MAP2K5: variants seen among roughly 807,000 people sequenced by gnomAD.
MAP2K5 encodes dual specificity mitogen-activated protein kinase kinase 5.
Under a neutral mutation model 83.1 loss-of-function variants are expected in MAP2K5, and 49 were observed. The ratio of observed to expected loss-of-function variants is 0.59; its 90% CI spans 0.47 to 0.75. The LOEUF (loss-of-function observed/expected upper bound fraction) is 0.75, where lower values mean the gene tolerates loss of function less well. MAP2K5 is among the 30% of genes least tolerant of loss of function. The pLI is 0.00. For synonymous variants in MAP2K5, 202 were observed against 191.8 expected, an observed-to-expected ratio of 1.05 and a Z score of -0.44; for missense variants, 457 against 557.5, an observed-to-expected ratio of 0.82 and a Z score of 1.82.
chr15:67,653,866 T>C (rs191458001), intron 11 of MAP2K5, among the ~76,000 whole-genome samples: 119 of 152,278 alleles, frequency 7.8e-4, no homozygotes, highest in African/African-American at 2.7e-3. Context: ...TTTTGGTATG[T>C]TGTGTTTTTA....
At position 67,638,634 on chromosome 15, in the gene MAP2K5, T is replaced by C. The variant is rs1011080484; in HGVS notation, c.586-7597T>C. On this transcript the variant is annotated intron_variant, in intron 9 of 21. Coordinates refer to ENST00000178640, the MANE Select transcript of MAP2K5 (RefSeq NM_145160.3). The surrounding 1 kb of genome is among the most constrained non-coding windows in gnomAD (Gnocchi z 4.5). Reference sequence around the variant, plus strand: ...AATGGTATTTCTGTTTTTAGGACTTTGAGGAATCACTGCACTGTCTTCCAC... The same window carrying C: ...AATGGTATTTCTGTTTTTAGGACTTCGAGGAATCACTGCACTGTCTTCCAC... Among the ~76,000 whole-genome samples the C allele has an allele frequency of 1.3e-5, 2 of 152,230 alleles. No individual in the cohort carries two copies. The highest frequency in any genetic ancestry group is 2.9e-5 in the Non-Finnish European group (2 of 68,030).
rs577629727 is a variant in MAP2K5, at chr15:67,679,428, T to C, written c.848-13051T>C. On this transcript the variant is annotated intron_variant, in intron 13 of 21. Transcript: ENST00000178640. ...AGTCCAGCCTGAAAATCAGAGCAGC[T>C]ACTTGCGGTTATTGAGGCAACTATG... 2.0e-5 allele frequency among the ~76,000 whole-genome samples: 3 copies of C among 152,318 alleles called. No individual in the cohort carries two copies. In the South Asian group the frequency reaches 6.2e-4, roughly 32 times the overall value.
At chr15:67,549,976 C>A (rs2084474795) in intron 1 of MAP2K5, 58 bp from the exon 2 acceptor site, 1 of 1,276,022 alleles carries the variant, frequency 7.8e-7, no homozygotes, top group Admixed American at 1.7e-5. Flanking sequence ...TAGGATTTGC[C>A]ACATGTTAGC....
intron 8 of MAP2K5, among the ~76,000 whole-genome samples, chr15:67,613,809 A>G (rs1171221746): frequency 6.6e-6 from 1 of 151,936 alleles, no homozygotes; most frequent in East Asian, 1.9e-4. Context: ...TTTTTGTCAT[A>G]GGGGACATAT....
intron 8 of MAP2K5, among the ~76,000 whole-genome samples, chr15:67,608,719 T>A (rs2085837670): frequency 6.6e-6 from 1 of 152,174 alleles, no homozygotes; most frequent in African/African-American, 2.4e-5. Flanking sequence ...GGCATTTCTG[T>A]AGATGAGGAG....
rs1376135379 is a variant in MAP2K5 at position 67,775,427 on chromosome 15, A to T, written c.1242+2675A>T. On this transcript the variant is annotated intron_variant, in intron 21 of 21. Coordinates refer to ENST00000178640, the MANE Select transcript of MAP2K5 (RefSeq NM_145160.3). The surrounding 1 kb of genome is among the most constrained non-coding windows in gnomAD (Gnocchi z 5.3). ...CAGCTGCTGTGGTTTTCTGGCATGT[A>T]GCCATGAAGCTACATCAGAAGTGCT... 6.6e-6 allele frequency among the ~76,000 whole-genome samples: 1 copy of T among 152,230 alleles called. No homozygotes were observed. Among genetic ancestry groups the T allele is most frequent in the African/African-American group, 2.4e-5 (1 of 41,470 alleles).
At chr15:67,740,707 G>A (rs946027450) in intron 17 of MAP2K5, among the ~76,000 whole-genome samples, 2 of 151,920 alleles carry the variant, frequency 1.3e-5, no homozygotes, top group African/African-American at 4.8e-5. Context: ...TCTCATTTGA[G>A]CCAACTGTGT....
intron 8 of MAP2K5, among the ~76,000 whole-genome samples, chr15:67,614,121 G>T (rs2086000455): frequency 6.6e-6 from 1 of 152,204 alleles, no homozygotes; most frequent in Admixed American, 6.5e-5. Context: ...CACTGGATTT[G>T]GCTTCAGAGG....
chr15:67,774,167 ATG>A lies in MAP2K5; in HGVS notation c.1242+1450_1242+1451del, dbSNP rs10529511. Among the ~76,000 whole-genome samples, 2,686 of 149,618 alleles carry A rather than the reference ATG, an allele frequency of 0.018. 43 individuals are homozygous for A. The highest frequency in any genetic ancestry group is 0.049 in the East Asian group (246 of 5,044). On this transcript the variant is annotated intron_variant, in intron 21 of 21. Coordinates refer to ENST00000178640, the MANE Select transcript of MAP2K5 (RefSeq NM_145160.3). The surrounding 1 kb of genome is among the most constrained non-coding windows in gnomAD (Gnocchi z 4.9). ...CCTTGAAAGCAAGTGATGTGTGTGTATGTGTGTGTGTGTGTGTGTGTGTGTGT... is the reference window on the plus strand; with the variant it reads ...CCTTGAAAGCAAGTGATGTGTGTGTATGTGTGTGTGTGTGTGTGTGTGTGT...
chr15:67,741,821 A>G (rs1343976867), intron 17 of MAP2K5, among the ~76,000 whole-genome samples: 1 of 152,178 alleles, frequency 6.6e-6, no homozygotes, highest in East Asian at 1.9e-4. Context: ...CTGTCATTAA[A>G]CTTATATGCC....
In MAP2K5 at chr15:67,589,793, G is replaced by A. The variant is rs868105271; in HGVS notation, c.431+2880G>A. Among the ~76,000 whole-genome samples the A allele has an allele frequency of 3.4e-3, 511 of 151,594 alleles. 6 individuals are homozygous for A. Among genetic ancestry groups the A allele is most frequent in the African/African-American group, 0.011 (460 of 41,336 alleles). Reference sequence around the variant, plus strand: ...AATGTGTGTGTGTGTATGTGTGTGTGTGTGTGTGTGTGTGTGTGTGTGTAT... The same window carrying A: ...AATGTGTGTGTGTGTATGTGTGTGTATGTGTGTGTGTGTGTGTGTGTGTAT... On this transcript the variant is annotated intron_variant, in intron 6 of 21. Transcript: ENST00000178640.
At position 67,565,070 on chromosome 15, in the gene MAP2K5, G is replaced by A. The variant is rs1210531859; in HGVS notation, c.252+1720G>A. On this transcript the variant is annotated intron_variant, in intron 3 of 21. Transcript: ENST00000178640. The surrounding 1 kb of genome is among the most constrained non-coding windows in gnomAD (Gnocchi z 4.1). ...TCCTTATTTTTTAGATGAGGAAGCT[G>A]TGGTTAAGAGATAAGCCCAAGGTCT... Among the ~76,000 whole-genome samples the A allele has an allele frequency of 6.6e-6, 1 of 152,186 alleles. No individual in the cohort carries two copies. The highest frequency in any genetic ancestry group is 2.4e-5 in the African/African-American group (1 of 41,436).
At chr15:67,575,896 T>TTATC in intron 3 of MAP2K5, among the ~76,000 whole-genome samples, 1 of 68,408 alleles carries the variant, frequency 1.5e-5, no homozygotes, top group African/African-American at 7.3e-5. Context: ...TCTCTTCTTT[T>TTATC]TTTCTTTCTT....
At chr15:67,695,731 T>C (rs1390652361) in intron 15 of MAP2K5, among the ~76,000 whole-genome samples, 1 of 152,264 alleles carries the variant, frequency 6.6e-6, no homozygotes, top group Non-Finnish European at 1.5e-5. Flanking sequence ...TACAGTTGTC[T>C]TTCCCAGGTG....
At chr15:67,609,573 T>C (rs1212409724) in intron 8 of MAP2K5, among the ~76,000 whole-genome samples, 1 of 3,398 alleles carries the variant, frequency 2.9e-4, no homozygotes, top group Non-Finnish European at 2.0e-3. Flanking sequence ...TGTAGACCTA[T>C]TCTATAGGTC....
intron 11 of MAP2K5, among the ~76,000 whole-genome samples, chr15:67,648,333 GC>G (rs1295646462): frequency 6.6e-6 from 1 of 152,050 alleles, no homozygotes; most frequent in East Asian, 1.9e-4. Context: ...ATAATATATG[GC>G]CTTTGTGTCT....
At chr15:67,593,020 T>C (rs927629944) in intron 7 of MAP2K5, 46 bp downstream of exon 7, 1 of 1,260,378 alleles carries the variant, frequency 7.9e-7, no homozygotes, top group African/African-American at 1.5e-5. Context: ...AATAACATAT[T>C]ACCGTCCAGT....
chr15:67,770,321 C>T lies in MAP2K5; in HGVS notation c.1196+658C>T, dbSNP rs1456974940. On this transcript the variant is annotated intron_variant, in intron 20 of 21. Coordinates refer to ENST00000178640, the MANE Select transcript of MAP2K5 (RefSeq NM_145160.3). This position sits in a 1 kb window ranked among gnomAD's most constrained non-coding sequence, Gnocchi z 5.0. ...TTGCCAGCCTTCTGCCTTTTTCCTC[C>T]TAGCAGAACGCAGATGTCTTTTATT... Among the ~76,000 whole-genome samples, 1 of 152,186 alleles carries T rather than the reference C, an allele frequency of 6.6e-6. No individual in the cohort carries two copies. Among genetic ancestry groups the T allele is most frequent in the African/African-American group, 2.4e-5 (1 of 41,458 alleles).
rs1210236885 is a variant in MAP2K5 at position 67,768,988 on chromosome 15, T to A, written c.1135-614T>A. 6.6e-6 allele frequency among the ~76,000 whole-genome samples: 1 copy of A among 151,898 alleles called. No individual in the cohort carries two copies. The highest frequency in any genetic ancestry group is 1.9e-4 in the East Asian group (1 of 5,192). ...TTTTGGTTGGTGGTCAAGTTGGGAG[T>A]TTTTCATTGTATCCTTAATTCACTG... On this transcript the variant is annotated intron_variant, in intron 19 of 21. Coordinates refer to ENST00000178640, the MANE Select transcript of MAP2K5 (RefSeq NM_145160.3). This position sits in a 1 kb window ranked among gnomAD's most constrained non-coding sequence, Gnocchi z 4.0.
Sources: allele counts gnomAD v4.1 joint callset (sites outside exome capture counted in the v4.1 genomes callset), GRCh38; gene constraint gnomAD v4.1.1; non-coding constraint Gnocchi (gnomAD v3.1); transcripts MANE v1.5; gene names NCBI Gene and HGNC (gene_info 2026-07-23, HGNC 2026-07-21).